The following SYNE2 variants were observed in gnomAD, a reference collection of about 807,000 sequenced individuals.
SYNE2 encodes spectrin repeat containing nuclear envelope protein 2, also known as nesprin-2.
Under a neutral mutation model 856.3 loss-of-function variants are expected in SYNE2, and 431 were observed. The ratio of observed to expected loss-of-function variants is 0.50; its 90% CI spans 0.47 to 0.55. The LOEUF is 0.55. Among genes scored for constraint, SYNE2 ranks in the 20% least tolerant of loss-of-function variants. The pLI, the probability that SYNE2 is intolerant of heterozygous loss-of-function variation, is 0.00. For missense variants in SYNE2, 8,129 were observed against 8,023.2 expected (o/e 1.01, Z -0.50); for synonymous variants, 2,923 against 2,872.3 (o/e 1.02, Z -0.56).
rs780315319 is a variant in SYNE2, at chr14:64,057,864, T to C, written c.10067+1598T>C. Among the ~76,000 whole-genome samples the C allele has an allele frequency of 3.3e-5, 5 of 152,386 alleles. No homozygotes were observed. In the South Asian group the frequency reaches 1.0e-3, roughly 32 times the overall value. ...GTAGTTTTGATTTGCATTTCTCTGATGGTCAGTGATGCTGAACACCTCTTC... is the reference window on the plus strand; with the variant it reads ...GTAGTTTTGATTTGCATTTCTCTGACGGTCAGTGATGCTGAACACCTCTTC... On this transcript the variant is annotated intron_variant, in intron 49 of 115. Transcript: ENST00000555002.
Position 63,995,826 on chromosome 14 carries a change from A to G in SYNE2, c.2940+624A>G, listed in dbSNP as rs530697014. 3.3e-5 allele frequency among the ~76,000 whole-genome samples: 5 copies of G among 152,264 alleles called. No homozygotes were observed. The South Asian group carries it at 8.3e-4, about 25-fold the overall frequency. ...AAATATATAGCGATATATAATTTGCAGTGAGTACTTTTTAGTGTCTTCACA... is the reference window on the plus strand; with the variant it reads ...AAATATATAGCGATATATAATTTGCGGTGAGTACTTTTTAGTGTCTTCACA... On this transcript the variant is annotated intron_variant, in intron 23 of 115. Transcript: ENST00000555002.
chr14:64,121,079 C>T lies in SYNE2; in HGVS notation c.13158+18C>T. On this transcript the variant is annotated intron_variant, in intron 68 of 115. Transcript: ENST00000555002. ...AGCAACAGGTAATTCTAGCCCCCAACAGTTGTAGGGACTAGAATATAACTT... is the reference window on the plus strand; with the variant it reads ...AGCAACAGGTAATTCTAGCCCCCAATAGTTGTAGGGACTAGAATATAACTT... 9 of 1,613,790 alleles carry T rather than the reference C, an allele frequency of 5.6e-6. No homozygotes were observed. The highest frequency in any genetic ancestry group is 7.6e-6 in the Non-Finnish European group (9 of 1,179,810).
intron 79 of SYNE2, among the ~76,000 whole-genome samples, chr14:64,138,606 T>C (rs2098114757): frequency 1.3e-5 from 2 of 152,026 alleles, no homozygotes; most frequent in South Asian, 2.1e-4. Context: ...TACCATGATA[T>C]TGCTCTTTCC....
intron 30 of SYNE2, 40 bp downstream of exon 30, chr14:64,003,370 A>G (rs1567024940): frequency 1.2e-6 from 2 of 1,612,776 alleles, no homozygotes; most frequent in Non-Finnish European, 8.5e-7. Flanking sequence ...GGTGACTGAC[A>G]TCTTTCTGTA....
Position 64,219,104 on chromosome 14 carries a change from G to GTTTTTTTTTTT in SYNE2, c.19658-94_19658-84dup, listed in dbSNP as rs528002229. On this transcript the variant is annotated intron_variant, in intron 109 of 115. Transcript: ENST00000555002. ...CAGGGGAATCCCCTACAGTTTTTTTGTTTTTTTTTTTTTTTTTTTTAACCA... is the reference window on the plus strand; with the variant it reads ...CAGGGGAATCCCCTACAGTTTTTTTGTTTTTTTTTTTTTTTTTTTTTTTTTTTTTTTAACCA... 2,385 of 408,446 alleles carry GTTTTTTTTTTT rather than the reference G, an allele frequency of 5.8e-3. 176 individuals are homozygous for GTTTTTTTTTTT. Among genetic ancestry groups the GTTTTTTTTTTT allele is most frequent in the East Asian group, 0.02 (350 of 17,198 alleles). 25.3% of individuals were successfully genotyped at this position (408,446 alleles called of 1,614,324 possible). A position where few individuals can be genotyped will look rare whatever the true frequency, so the allele number is the denominator to read the frequency against.
intron 67 of SYNE2, among the ~76,000 whole-genome samples, chr14:64,120,521 T>C (rs7148440): frequency 0.39 from 59,411 of 152,074 alleles, 14,511 homozygotes; most frequent in African/African-American, 0.69. Context: ...CCCAGCCCTT[T>C]GGGAGGCTGA....
chr14:64,057,495 A>T (rs761053732), intron 49 of SYNE2, among the ~76,000 whole-genome samples: 1 of 152,088 alleles, frequency 6.6e-6, no homozygotes, highest in Non-Finnish European at 1.5e-5. Context: ...TTGTGTGTAT[A>T]TACCACATTT....
At chr14:64,068,822 A>G (rs2097377986) in intron 51 of SYNE2, among the ~76,000 whole-genome samples, 1 of 136,494 alleles carries the variant, frequency 7.3e-6, no homozygotes, top group African/African-American at 2.8e-5. Flanking sequence ...AGATCATGCC[A>G]CTGCACTCCA....
chr14:63,979,614 G>A (rs2096570331), intron 14 of SYNE2, among the ~76,000 whole-genome samples: 1 of 152,166 alleles, frequency 6.6e-6, no homozygotes, highest in Non-Finnish European at 1.5e-5. Flanking sequence ...CCTCCTTTTA[G>A]AGATGAGGTG....
intron 1 of SYNE2, among the ~76,000 whole-genome samples, chr14:63,846,388 G>T (rs1890227961): frequency 1.3e-5 from 2 of 151,882 alleles, no homozygotes; most frequent in African/African-American, 4.8e-5. Flanking sequence ...TTCATTTTTG[G>T]CCGTTCTTTC....
At chr14:63,774,537 CT>C (rs1887041600) in intron 1 of SYNE2, among the ~76,000 whole-genome samples, 1 of 143,272 alleles carries the variant, frequency 7.0e-6, no homozygotes, top group East Asian at 2.3e-4. Context: ...AAGTTTTTTT[CT>C]TTTTTTTCTT....
At chr14:63,943,831 C>T (rs1411082990) in intron 6 of SYNE2, among the ~76,000 whole-genome samples, 1 of 151,662 alleles carries the variant, frequency 6.6e-6, no homozygotes, top group Non-Finnish European at 1.5e-5. Context: ...CCACCACGCC[C>T]AGCTAATTTT....
At chr14:64,148,455 C>T (rs1296584316) in intron 84 of SYNE2, among the ~76,000 whole-genome samples, 2 of 152,194 alleles carry the variant, frequency 1.3e-5, no homozygotes, top group African/African-American at 4.8e-5. Flanking sequence ...GGCATCATCC[C>T]TCGTCAGTCC....
intron 76 of SYNE2, among the ~76,000 whole-genome samples, chr14:64,132,019 C>T (rs561083612): frequency 4.6e-5 from 7 of 152,084 alleles, no homozygotes; most frequent in Admixed American, 3.3e-4. Flanking sequence ...CTGCAACCTC[C>T]GCCTCCCGGG....
intron 97 of SYNE2, 51 bp downstream of exon 97, chr14:64,186,630 C>G: frequency 2.5e-6 from 4 of 1,611,352 alleles, no homozygotes; most frequent in Non-Finnish European, 3.4e-6. Context: ...ATTGAAATGT[C>G]TCTGAAGGCC....
rs759306396 is a variant in SYNE2 at position 64,003,114 on chromosome 14, G to A, written c.4181G>A (p.Gly1394Asp). 6.2e-7 allele frequency: 1 copy of A among 1,614,056 alleles called. No individual in the cohort carries two copies. The highest frequency in any genetic ancestry group is 8.5e-7 in the Non-Finnish European group (1 of 1,180,032). Residue 1394 changes from glycine (G) to aspartate (D), a missense_variant, in exon 30 of 116, where the codon GGT (glycine) becomes GAT (aspartate). Gly to Asp is a moderately conservative substitution (Grantham distance 94). Transcript: ENST00000555002. ...LDMSFKDAER[G>D]DDTSCENLLD... ...ATGAGCTTTAAAGATGCTGAACGGG[G>A]TGATGACACCTCCTGTGAAAACCTG...
At chr14:64,024,140 A>G in intron 38 of SYNE2, 117 bp from the exon 39 acceptor site, 1 of 812,384 alleles carries the variant, frequency 1.2e-6, no homozygotes, top group Admixed American at 2.0e-5. Flanking sequence ...CTTCTTTCGT[A>G]TAGGATCTTA....
At chr14:64,145,973 AAAG>A (rs778788728) in intron 83 of SYNE2, 92 bp from the exon 84 acceptor site, 24 of 882,298 alleles carry the variant, frequency 2.7e-5, no homozygotes, top group South Asian at 1.8e-4. Flanking sequence ...AGAAATTTGA[AAAG>A]AAGCAAAATT....
In SYNE2 at chr14:63,967,834, C is replaced by A. The variant is rs939591733; in HGVS notation, c.1116C>A (p.Gly372=). Residue 372 remains glycine (G), a synonymous_variant, in exon 11 of 116, where the codon GGC becomes GGA. Coordinates refer to ENST00000555002, the MANE Select transcript of SYNE2 (RefSeq NM_182914.3). The part of the protein sequence containing the change: ...DHLQLREAWD[G]LDHQINAWKI... ...TACAGTTGAGAGAAGCCTGGGATGGCCTCGATCACCAGGTGACTGTTTGTG... is the reference window on the plus strand; with the variant it reads ...TACAGTTGAGAGAAGCCTGGGATGGACTCGATCACCAGGTGACTGTTTGTG... 1.9e-6 allele frequency: 3 copies of A among 1,613,960 alleles called. No individual in the cohort carries two copies. Among genetic ancestry groups the A allele is most frequent in the Non-Finnish European group, 2.5e-6 (3 of 1,179,910 alleles).
Sources: allele counts gnomAD v4.1 joint callset (sites outside exome capture counted in the v4.1 genomes callset), GRCh38; gene constraint gnomAD v4.1.1; transcripts MANE v1.5; gene names NCBI Gene and HGNC (gene_info 2026-07-23, HGNC 2026-07-21).